Variants in CDH2 observed in about 807,000 individuals in gnomAD.
CDH2 encodes the protein cadherin 2.
In CDH2, 17 loss-of-function variants were observed where a neutral mutation model predicts 92.0. The ratio of observed to expected loss-of-function variants is 0.18; its 90% CI spans 0.13 to 0.28. The LOEUF (loss-of-function observed/expected upper bound fraction) is 0.28. Among genes scored for constraint, CDH2 ranks in the 10% least tolerant of loss-of-function variants. The pLI is 1.00. For missense variants in CDH2, 862 were observed against 1,133.1 expected (o/e 0.76, Z 3.44); for synonymous variants, 419 against 415.9 (o/e 1.01, Z -0.09).
At chr18:27,957,846 T>G (rs1013744639) in intron 15 of CDH2, among the ~76,000 whole-genome samples, 1 of 152,194 alleles carries the variant, frequency 6.6e-6, no homozygotes, top group African/African-American at 2.4e-5. Flanking sequence ...CCAACATTAC[T>G]ACCCCTCTTT....
intron 14 of CDH2, among the ~76,000 whole-genome samples, chr18:27,965,078 T>A (rs1254560998): frequency 6.6e-6 from 1 of 152,198 alleles, no homozygotes; most frequent in African/African-American, 2.4e-5. Flanking sequence ...CCATGAAAAA[T>A]GTTTTATCAT....
At chr18:28,097,622 T>A (rs2015158345) in intron 2 of CDH2, among the ~76,000 whole-genome samples, 1 of 152,160 alleles carries the variant, frequency 6.6e-6, no homozygotes, top group Non-Finnish European at 1.5e-5. Flanking sequence ...TTATAAGTAA[T>A]CTAGAGATAA....
At chr18:28,122,070 T>C (rs2015597326) in intron 2 of CDH2, among the ~76,000 whole-genome samples, 1 of 152,114 alleles carries the variant, frequency 6.6e-6, no homozygotes, top group African/African-American at 2.4e-5. Context: ...TAATTACTTA[T>C]ATTCAAAACC....
At chr18:28,149,910 C>G (rs1280825066) in intron 1 of CDH2, among the ~76,000 whole-genome samples, 3 of 152,132 alleles carry the variant, frequency 2.0e-5, no homozygotes, top group Non-Finnish European at 4.4e-5. Context: ...ATATCAGAAA[C>G]CAATTGAGAA....
At chr18:28,033,665 CATCA>C (rs2013754562) in intron 2 of CDH2, among the ~76,000 whole-genome samples, 2 of 152,134 alleles carry the variant, frequency 1.3e-5, no homozygotes, top group South Asian at 4.1e-4. Flanking sequence ...GAAACACAGG[CATCA>C]TTCAAAAATA....
At chr18:28,111,804 T>C (rs528252167) in intron 2 of CDH2, among the ~76,000 whole-genome samples, 1 of 152,200 alleles carries the variant, frequency 6.6e-6, no homozygotes, top group South Asian at 2.1e-4. Context: ...ATCTTTCAAG[T>C]TTTTTTTCTC....
chr18:28,106,193 G>C (rs1011386572), intron 2 of CDH2, among the ~76,000 whole-genome samples: 8 of 152,198 alleles, frequency 5.3e-5, no homozygotes, highest in African/African-American at 1.9e-4. Flanking sequence ...AAGGCTGGTG[G>C]ATCATCTGAG....
Position 27,988,653 on chromosome 18 carries a change from A to T in CDH2, c.1612T>A (p.Ser538Thr). 1.2e-6 allele frequency: 2 copies of T among 1,601,286 alleles called. No homozygotes were observed. The highest frequency in any genetic ancestry group is 1.7e-6 in the Non-Finnish European group (2 of 1,169,630). ...ATTTTTAGCCAATTGGCAGGATCAG[A>T]TAATTTAGTGTATCTACAAAATGAA... ...MQQNIRYTKL[S>T]DPANWLKIDP... is the part of the protein sequence containing the mutation. The change falls in exon 11 of 16, where the codon TCT becomes ACT. Residue 538 changes from serine to threonine, a missense_variant. By Grantham distance (58) the Ser-to-Thr change is moderately conservative. Around this residue, in one of 5 missense-constraint regions of CDH2, gnomAD observed 564 missense variants for 722.2 expected, o/e 0.78. Transcript: ENST00000269141.
At chr18:28,026,075 C>A (rs2013546156) in intron 2 of CDH2, among the ~76,000 whole-genome samples, 1 of 152,072 alleles carries the variant, frequency 6.6e-6, no homozygotes, top group African/African-American at 2.4e-5. Context: ...AAGCTAGAAA[C>A]CAGAATTTGT....
At chr18:28,001,872 AG>A (rs113976130) in intron 7 of CDH2, among the ~76,000 whole-genome samples, 3 of 152,374 alleles carry the variant, frequency 2.0e-5, no homozygotes, top group African/African-American at 7.2e-5. Flanking sequence ...TAGCAAATAA[AG>A]TGTCAAAAAA....
Position 27,990,131 on chromosome 18 carries a change from G to C in CDH2, c.1564C>G (p.Gln522Glu). ...AGTMLTTFTA[Q>E]DPDRYMQQNI... ...TGCTGCATATATCGATCTGGGTCCT[G>C]AGCAGTGAATGTTGTCAACATGGTA... Residue 522 changes from glutamine to glutamate, a missense_variant, in exon 10 of 16, where the codon CAG becomes GAG. By Grantham distance (29) the Gln-to-Glu change is conservative. This residue lies in a region of CDH2 where 564 missense variants were observed against 722.2 expected (regional missense o/e 0.78). Coordinates refer to ENST00000269141, the MANE Select transcript of CDH2 (RefSeq NM_001792.5). The C allele has an allele frequency of 6.2e-7, 1 of 1,614,004 alleles. No individual in the cohort carries two copies. The highest frequency in any genetic ancestry group is 8.5e-7 in the Non-Finnish European group (1 of 1,179,882).
At chr18:28,045,576 T>C (rs2014058466) in intron 2 of CDH2, 2 of 362,858 alleles carry the variant, frequency 5.5e-6, no homozygotes, top group South Asian at 2.3e-5. Context: ...TGCTAGCCTA[T>C]CTGAGTGGAA....
chr18:28,136,898 G>A (rs1406602943), intron 2 of CDH2, among the ~76,000 whole-genome samples: 1 of 152,104 alleles, frequency 6.6e-6, no homozygotes, highest in African/African-American at 2.4e-5. Context: ...TTGGGGCTCA[G>A]GAATCTGCAT....
intron 2 of CDH2, among the ~76,000 whole-genome samples, chr18:28,105,743 G>A (rs1013371905): frequency 6.6e-6 from 1 of 152,012 alleles, no homozygotes; most frequent in Non-Finnish European, 1.5e-5. Context: ...CCACATCAAT[G>A]TATAGTTCTT....
At chr18:27,934,257 T>C (rs957620509) in intron 6 of CDH2, among the ~76,000 whole-genome samples, 23 of 152,208 alleles carry the variant, frequency 1.5e-4, no homozygotes, top group Non-Finnish European at 2.9e-4. Flanking sequence ...TATGCTGCTG[T>C]CTGTATCGAT....
At chr18:28,031,490 C>T (rs1043415330) in intron 2 of CDH2, among the ~76,000 whole-genome samples, 2 of 152,184 alleles carry the variant, frequency 1.3e-5, no homozygotes, top group Admixed American at 6.5e-5. Context: ...AAGGTTCCTA[C>T]TACACACAGA....
chr18:28,119,485 T>G (rs528540921), intron 2 of CDH2, among the ~76,000 whole-genome samples: 1 of 152,128 alleles, frequency 6.6e-6, no homozygotes, highest in East Asian at 1.9e-4. Flanking sequence ...TTCTAGAATT[T>G]GAGATCATCA....
chr18:28,067,434 T>C (rs984124212), intron 2 of CDH2, among the ~76,000 whole-genome samples: 11 of 152,194 alleles, frequency 7.2e-5, no homozygotes, highest in South Asian at 4.1e-4. Context: ...ATCTACCTTC[T>C]GTCTCTATAA....
chr18:28,069,434 T>C (rs904146748), intron 2 of CDH2, among the ~76,000 whole-genome samples: 3 of 152,154 alleles, frequency 2.0e-5, no homozygotes, highest in African/African-American at 7.2e-5. Context: ...TTTTGAAGTC[T>C]TTCTATAATA....
Sources: allele counts gnomAD v4.1 joint callset (sites outside exome capture counted in the v4.1 genomes callset), GRCh38; gene constraint gnomAD v4.1.1; regional missense constraint gnomAD v4.1.1; transcripts MANE v1.5; gene names NCBI Gene and HGNC (gene_info 2026-07-23, HGNC 2026-07-21).